CCDC3: variants seen among roughly 807,000 people sequenced by gnomAD.
CCDC3 encodes coiled-coil domain-containing protein 3.
A neutral mutation model predicts 21.4 loss-of-function variants in CCDC3; 24 were observed. The ratio of observed to expected loss-of-function variants is 1.12; its 90% CI spans 0.81 to 1.58. The LOEUF is 1.58. CCDC3 is among the 40% of genes most tolerant of loss of function. The pLI is 0.00. For synonymous variants in CCDC3, 186 were observed against 166.0 expected, an observed-to-expected ratio of 1.12 and a Z score of -0.93; for missense variants, 425 against 360.9, an observed-to-expected ratio of 1.18 and a Z score of -1.44.
At chr10:12,995,349 C>G (rs1698068290) in intron 2 of CCDC3, among the ~76,000 whole-genome samples, 1 of 152,164 alleles carries the variant, frequency 6.6e-6, no homozygotes, top group Non-Finnish European at 1.5e-5. Flanking sequence ...TCAAATGATT[C>G]TCCTGCCTCA....
In CCDC3 at chr10:12,921,378, G is replaced by T. The variant is rs140565875; in HGVS notation, c.550-22699C>A. ...CTGTGTACGTCTGTGGGGAAGGTCA[G>T]CCCGGGGCCCAGAGCTGGCCTGTGC... On this transcript the variant is annotated intron_variant, in intron 2 of 2. Transcript: ENST00000378825. Among the ~76,000 whole-genome samples, 354 of 152,282 alleles carry T rather than the reference G, an allele frequency of 2.3e-3. 4 individuals are homozygous for T. Among genetic ancestry groups the T allele is most frequent in the African/African-American group, 8.2e-3 (341 of 41,530 alleles).
intron 5 of CCDC3, among the ~76,000 whole-genome samples, chr10:13,047,039 G>A (rs1836538707): frequency 6.6e-6 from 1 of 152,112 alleles, no homozygotes; most frequent in Non-Finnish European, 1.5e-5. Context: ...AGTAAGATGA[G>A]AGAGGGTGAG....
At position 13,053,496 on chromosome 10, in the gene CCDC3, G is replaced by T. The variant is rs149429668; in HGVS notation, c.-269-3555C>A. ...TGCTTGAGCCCAGGAGATTGAGGCT[G>T]CAGTGAGCTAGATCACACCACTGCA... On this transcript the variant is annotated intron_variant, in intron 4 of 6. Transcript: ENST00000378839. Among the ~76,000 whole-genome samples, 409 of 152,102 alleles carry T rather than the reference G, an allele frequency of 2.7e-3. 4 individuals carry two copies. The highest frequency in any genetic ancestry group is 9.5e-3 in the African/African-American group (394 of 41,482).
In CCDC3 at chr10:12,937,682, T is replaced by TA. The variant is rs1422727294; in HGVS notation, c.550-39004_550-39003insT. Reference sequence around the variant, plus strand: ...TGGCACAGAAAAGTTTAAAAACCCTTGTTCCATAGGGACAGTATGTGTGAC... The same window carrying TA: ...TGGCACAGAAAAGTTTAAAAACCCTTAGTTCCATAGGGACAGTATGTGTGAC... On this transcript the variant is annotated intron_variant, in intron 2 of 2. Transcript: ENST00000378825. Among the ~76,000 whole-genome samples, 4 of 152,186 alleles carry TA rather than the reference T, an allele frequency of 2.6e-5. No individual in the cohort carries two copies. In the East Asian group the frequency reaches 7.7e-4, roughly 29 times the overall value.
chr10:13,011,297 C>T (rs1183410636), intron 5 of CCDC3, among the ~76,000 whole-genome samples: 2 of 152,036 alleles, frequency 1.3e-5, no homozygotes, highest in South Asian at 2.1e-4. Context: ...CTCATAGTCT[C>T]TCCCCAAAAA....
intron 2 of CCDC3, among the ~76,000 whole-genome samples, chr10:12,988,353 C>CT (rs34835574): frequency 5.8e-4 from 86 of 149,328 alleles, no homozygotes; most frequent in East Asian, 1.4e-3. Context: ...TTCCTATTAC[C>CT]TTTTTTTTTT....
intron 5 of CCDC3, among the ~76,000 whole-genome samples, chr10:13,034,545 G>T (rs1459469049): frequency 6.6e-6 from 1 of 150,654 alleles, no homozygotes; most frequent in South Asian, 2.1e-4. Flanking sequence ...AAAAAAATGG[G>T]TACATTTTTC....
At chr10:13,067,849 T>C (rs1367367835) in intron 4 of CCDC3, among the ~76,000 whole-genome samples, 3 of 152,214 alleles carry the variant, frequency 2.0e-5, no homozygotes, top group African/African-American at 7.2e-5. Context: ...AAAAGGTTTT[T>C]CTCAAAGAGC....
chr10:12,917,096 T>TC (rs978834485), intron 2 of CCDC3, among the ~76,000 whole-genome samples: 1 of 150,944 alleles, frequency 6.6e-6, no homozygotes, highest in Non-Finnish European at 1.5e-5. Context: ...TCCCTTACCT[T>TC]CCCCCAAGTG....
intron 5 of CCDC3, among the ~76,000 whole-genome samples, chr10:13,039,018 T>C (rs1224148604): frequency 6.6e-6 from 1 of 152,130 alleles, no homozygotes; most frequent in Non-Finnish European, 1.5e-5. Context: ...CAAGAGAAAT[T>C]CTTTGACAAA....
At chr10:12,997,121 G>A (rs1184288810) in intron 2 of CCDC3, among the ~76,000 whole-genome samples, 3 of 151,974 alleles carry the variant, frequency 2.0e-5, no homozygotes, top group East Asian at 3.9e-4. Flanking sequence ...AGGGGATTCG[G>A]AAGAACAAGG....
chr10:13,004,483 T>C, upstream of CCDC3, among the ~76,000 whole-genome samples: 1 of 152,072 alleles, frequency 6.6e-6, no homozygotes, highest in Non-Finnish European at 1.5e-5. Context: ...TAGATGGTGC[T>C]ACTGGCAGAA....
chr10:13,071,462 C>T (rs1836881659), intron 4 of CCDC3, among the ~76,000 whole-genome samples: 1 of 152,316 alleles, frequency 6.6e-6, no homozygotes, highest in Non-Finnish European at 1.5e-5. Flanking sequence ...CCAAGCTTCC[C>T]ATTACACGGA....
intron 5 of CCDC3, among the ~76,000 whole-genome samples, chr10:13,016,347 A>C (rs1001916926): frequency 4.6e-5 from 7 of 151,808 alleles, no homozygotes; most frequent in East Asian, 1.9e-4. Context: ...AAAAAAAAAA[A>C]AAAAACACAA....
chr10:12,954,299 T>C (rs969802516), intron 2 of CCDC3, among the ~76,000 whole-genome samples: 1 of 152,238 alleles, frequency 6.6e-6, no homozygotes, highest in Admixed American at 6.5e-5. Context: ...CTTGGCTATA[T>C]TGAATTGAAA....
chr10:13,006,049 C>T (rs1835919960), upstream of CCDC3, among the ~76,000 whole-genome samples: 1 of 152,054 alleles, frequency 6.6e-6, no homozygotes, highest in African/African-American at 2.4e-5. Flanking sequence ...TTATATCTTA[C>T]CAAGGCCTCT....
At chr10:13,034,080 T>C (rs925410290) in intron 5 of CCDC3, among the ~76,000 whole-genome samples, 6 of 152,118 alleles carry the variant, frequency 3.9e-5, no homozygotes, top group Admixed American at 2.6e-4. Flanking sequence ...TAGTAAAGAC[T>C]TGGAACCAAC....
At chr10:13,083,067 G>A (rs1271384459) in intron 3 of CCDC3, among the ~76,000 whole-genome samples, 1 of 152,056 alleles carries the variant, frequency 6.6e-6, no homozygotes, top group East Asian at 1.9e-4. Flanking sequence ...TTTCTCCAAC[G>A]ACAAGGGGAA....
chr10:12,995,111 G>A (rs1374359135), intron 2 of CCDC3, among the ~76,000 whole-genome samples: 1 of 150,944 alleles, frequency 6.6e-6, no homozygotes, highest in Non-Finnish European at 1.5e-5. Context: ...GAAGCAAGTA[G>A]TAGTCAATAA....
Sources: allele counts gnomAD v4.1 joint callset (sites outside exome capture counted in the v4.1 genomes callset), GRCh38; gene constraint gnomAD v4.1.1; transcripts MANE v1.5; gene names NCBI Gene and HGNC (gene_info 2026-07-23, HGNC 2026-07-21).